Variants in PELI1 observed in about 807,000 individuals in gnomAD.
PELI1 encodes pellino E3 ubiquitin protein ligase 1.
A neutral mutation model predicts 41.3 loss-of-function variants in PELI1; 15 were observed. The observed-to-expected ratio is 0.36, with a 90% CI of 0.24 to 0.56. PELI1 has a LOEUF of 0.56. Among genes scored for constraint, PELI1 ranks in the 20% least tolerant of loss-of-function variants. PELI1 has a pLI of 0.82. For missense variants in PELI1, 403 were observed against 525.5 expected (o/e 0.77, Z 2.28); for synonymous variants, 178 against 180.1 (o/e 0.99, Z 0.09).
chr2:64,107,638 G>C (rs996587768), intron 2 of PELI1, among the ~76,000 whole-genome samples: 3 of 151,994 alleles, frequency 2.0e-5, no homozygotes, highest in African/African-American at 7.2e-5. Context: ...AAGACAAATG[G>C]AATGACTGTG....
intron 1 of PELI1, among the ~76,000 whole-genome samples, chr2:64,135,359 G>C (rs1388161028): frequency 6.6e-6 from 1 of 151,094 alleles, no homozygotes; most frequent in Non-Finnish European, 1.5e-5. Context: ...AGTGTCTGAT[G>C]AGAGATCTCC....
intron 1 of PELI1, among the ~76,000 whole-genome samples, chr2:64,139,960 T>C (rs1681844120): frequency 6.6e-6 from 1 of 152,222 alleles, no homozygotes; most frequent in South Asian, 2.1e-4. Flanking sequence ...AAAACAGATT[T>C]CATTGCACCT....
chr2:64,095,456 A>C (rs891590010), intron 6 of PELI1, among the ~76,000 whole-genome samples, 188 bp from the exon 7 acceptor site: 1 of 152,226 alleles, frequency 6.6e-6, no homozygotes, highest in Admixed American at 6.5e-5. Flanking sequence ...ATCAAACATT[A>C]ACATATTTCT....
chr2:64,134,456 G>A (rs1239097707), intron 1 of PELI1, among the ~76,000 whole-genome samples: 1 of 152,108 alleles, frequency 6.6e-6, no homozygotes, highest in African/African-American at 2.4e-5. Flanking sequence ...TTAAATGAAA[G>A]TAACAGTAAA....
At chr2:64,125,718 T>C (rs969093900) in intron 1 of PELI1, among the ~76,000 whole-genome samples, 1 of 152,202 alleles carries the variant, frequency 6.6e-6, no homozygotes, top group Non-Finnish European at 1.5e-5. Flanking sequence ...GGTTAACAGA[T>C]GATGATATCC....
chr2:64,117,552 C>T (rs938601717), intron 1 of PELI1, among the ~76,000 whole-genome samples: 3 of 151,878 alleles, frequency 2.0e-5, no homozygotes, highest in Admixed American at 1.3e-4. Context: ...CTTTTAGTTT[C>T]GAAATTCCAT....
intron 1 of PELI1, among the ~76,000 whole-genome samples, chr2:64,125,959 C>T (rs1409168594): frequency 6.6e-6 from 1 of 152,102 alleles, no homozygotes; most frequent in Non-Finnish European, 1.5e-5. Context: ...TTTATGGGTC[C>T]CATCCCGAAG....
At chr2:64,139,356 A>G (rs575684871) in intron 1 of PELI1, among the ~76,000 whole-genome samples, 376 of 151,882 alleles carry the variant, frequency 2.5e-3, no homozygotes, top group Non-Finnish European at 3.9e-3. Flanking sequence ...CCCAGGCTGG[A>G]GTGCAGTGGT....
intron 1 of PELI1, 52 bp downstream of exon 1, chr2:64,144,029 C>T (rs1682020187): frequency 6.6e-6 from 1 of 151,680 alleles, no homozygotes. Context: ...TCCCCGCGCC[C>T]CTCGGCGGCC....
rs142896889 is a variant in PELI1, at chr2:64,132,176, T to C, written c.-70+11905A>G. 4.3e-3 allele frequency among the ~76,000 whole-genome samples: 661 copies of C among 152,320 alleles called. 6 individuals are homozygous for C. The highest frequency in any genetic ancestry group is 0.015 in the African/African-American group (642 of 41,566). ...GCTTCCAATTCTTGAGTACCTACTT[T>C]ATGCTTGACATCGTGCTGAGAACTT... On this transcript the variant is annotated intron_variant, in intron 1 of 6. Coordinates refer to ENST00000358912, the MANE Select transcript of PELI1 (RefSeq NM_020651.4).
intron 1 of PELI1, among the ~76,000 whole-genome samples, chr2:64,109,714 CA>C (rs1680742816): frequency 6.6e-6 from 1 of 151,966 alleles, no homozygotes; most frequent in African/African-American, 2.4e-5. Context: ...AAAAACAATG[CA>C]AAAGATAATC....
intron 1 of PELI1, among the ~76,000 whole-genome samples, chr2:64,132,941 A>G (rs533993628): frequency 6.6e-6 from 1 of 152,310 alleles, no homozygotes; most frequent in Admixed American, 6.5e-5. Flanking sequence ...TACATTAATG[A>G]AAAACACTGG....
At position 64,119,434 on chromosome 2, in the gene PELI1, A is replaced by G. The variant is rs150813915; in HGVS notation, c.-69-11055T>C. ...ACAGAAAACCTTCTCACAGAAAAAT[A>G]AAATCCAGATTGTATTAAAGCATCT... On this transcript the variant is annotated intron_variant, in intron 1 of 6. Coordinates refer to ENST00000358912, the MANE Select transcript of PELI1 (RefSeq NM_020651.4). Among the ~76,000 whole-genome samples, 34 of 152,346 alleles carry G rather than the reference A, an allele frequency of 2.2e-4. No individual in the cohort carries two copies. In the East Asian group the frequency reaches 6.4e-3, roughly 29 times the overall value.
intron 6 of PELI1, 109 bp downstream of exon 6, chr2:64,096,016 T>G: frequency 1.3e-6 from 1 of 745,684 alleles, no homozygotes; most frequent in Admixed American, 2.4e-5. Flanking sequence ...CTTAGTATTC[T>G]GTGTTGGCAA....
At chr2:64,095,594 G>A (rs1252715902) in intron 6 of PELI1, among the ~76,000 whole-genome samples, 1 of 152,208 alleles carries the variant, frequency 6.6e-6, no homozygotes, top group Non-Finnish European at 1.5e-5. Context: ...AGGGAGTGCT[G>A]TTTAGTTTAA....
intron 1 of PELI1, among the ~76,000 whole-genome samples, 187 bp from the exon 2 acceptor site, chr2:64,108,566 C>T (rs1466654245): frequency 6.6e-6 from 1 of 152,124 alleles, no homozygotes; most frequent in Non-Finnish European, 1.5e-5. Flanking sequence ...ATCAAAAATG[C>T]AAATTTGAAG....
Position 64,094,638 on chromosome 2 carries a change from G to T in PELI1, c.*64C>A. On this transcript the variant is annotated 3_prime_UTR_variant, in exon 7 of 7. Coordinates refer to ENST00000358912, the MANE Select transcript of PELI1 (RefSeq NM_020651.4). ...CAGAAAAACTGTGACGTGGACAACA[G>T]GTTCGAAAACCCAACTCACTTAGCT... 8.6e-7 allele frequency: 1 copy of T among 1,156,640 alleles called. No homozygotes were observed. Among genetic ancestry groups the T allele is most frequent in the Non-Finnish European group, 1.3e-6 (1 of 793,802 alleles). The allele number at this position is 1,156,640 out of a possible 1,614,324, so 71.6% of individuals were successfully genotyped here. A position where few individuals can be genotyped will look rare whatever the true frequency, so the allele number is the denominator to read the frequency against.
At chr2:64,113,586 T>A (rs979544345) in intron 1 of PELI1, among the ~76,000 whole-genome samples, 3 of 152,166 alleles carry the variant, frequency 2.0e-5, no homozygotes, top group Non-Finnish European at 4.4e-5. Context: ...CTCGAAAGCA[T>A]GTTGCTCTCA....
At chr2:64,125,433 T>C (rs967090904) in intron 1 of PELI1, among the ~76,000 whole-genome samples, 2 of 152,130 alleles carry the variant, frequency 1.3e-5, no homozygotes, top group Non-Finnish European at 2.9e-5. Flanking sequence ...AAAGACCAAA[T>C]AGATTTTTGT....
Sources: allele counts gnomAD v4.1 joint callset (sites outside exome capture counted in the v4.1 genomes callset), GRCh38; gene constraint gnomAD v4.1.1; transcripts MANE v1.5; gene names NCBI Gene and HGNC (gene_info 2026-07-23, HGNC 2026-07-21).